The following SIAE variants were observed in gnomAD, a reference collection of about 807,000 sequenced individuals.
The protein encoded by SIAE is sialic acid acetylesterase, also known as sialate O-acetylesterase.
In SIAE, 39 loss-of-function variants were observed where a neutral mutation model predicts 52.6. That is an observed-to-expected ratio of 0.74 (90% CI 0.57 to 0.97). SIAE has a LOEUF of 0.97. Ranked by LOEUF, SIAE falls within the 50% of genes least tolerant of loss-of-function variation. The pLI, the probability that SIAE is intolerant of heterozygous loss-of-function variation, is 0.00. For missense variants in SIAE, 592 were observed against 662.1 expected (o/e 0.89, Z 1.16); for synonymous variants, 233 against 241.4 (o/e 0.97, Z 0.32).
chr11:124,651,271 G>A (rs981669773), intron 4 of SIAE, among the ~76,000 whole-genome samples: 4 of 152,126 alleles, frequency 2.6e-5, no homozygotes, highest in Non-Finnish European at 4.4e-5. Context: ...AGTAGGGCTG[G>A]GCATGGTGGC....
chr11:124,645,024 A>T lies in SIAE; in HGVS notation c.966+2341T>A, dbSNP rs1164556563. Reference sequence around the variant, plus strand: ...TATGTTCCCGGCTTTCCATGGATGAACTCATTCAATATTTAAAATAACAAA... The same window carrying T: ...TATGTTCCCGGCTTTCCATGGATGATCTCATTCAATATTTAAAATAACAAA... On this transcript the variant is annotated intron_variant, in intron 7 of 9. Coordinates refer to ENST00000263593, the MANE Select transcript of SIAE (RefSeq NM_170601.5). This position sits in a 1 kb window ranked among gnomAD's most constrained non-coding sequence, Gnocchi z 4.7. Among the ~76,000 whole-genome samples, 1 of 152,006 alleles carries T rather than the reference A, an allele frequency of 6.6e-6. No homozygotes were observed. Among genetic ancestry groups the T allele is most frequent in the Non-Finnish European group, 1.5e-5 (1 of 68,008 alleles).
intron 1 of SIAE, among the ~76,000 whole-genome samples, chr11:124,673,434 T>TG (rs1413758512): frequency 4.0e-5 from 6 of 151,764 alleles, no homozygotes; most frequent in Non-Finnish European, 8.8e-5. Flanking sequence ...GGATGGTAAG[T>TG]GGGGGGTGGA....
intron 4 of SIAE, among the ~76,000 whole-genome samples, chr11:124,650,914 G>A (rs916141123): frequency 1.3e-5 from 2 of 152,230 alleles, no homozygotes; most frequent in Non-Finnish European, 2.9e-5. Context: ...TAAATTCTCA[G>A]CACAGTCTAA....
At chr11:124,671,324 A>G (rs886308265) in intron 1 of SIAE, among the ~76,000 whole-genome samples, 4 of 152,228 alleles carry the variant, frequency 2.6e-5, no homozygotes, top group African/African-American at 9.6e-5. Context: ...ACAAATATTT[A>G]TTGATGCCTA....
At position 124,647,381 on chromosome 11, in the gene SIAE, G is replaced by T. The variant is rs952884180; in HGVS notation, c.950C>A (p.Pro317Gln). ...GSQGQTERFF[P>Q]FGLVQLSSDL... ...ACATCGTACCTGGACAAGTCCAAAT[G>T]GGAAGAAACGCTCCGTCTGCCCCTG... Residue 317 changes from proline to glutamine, a missense_variant, in exon 7 of 10, where the codon CCA becomes CAA. Coordinates refer to ENST00000263593, the MANE Select transcript of SIAE (RefSeq NM_170601.5). The T allele has an allele frequency of 6.2e-7, 1 of 1,614,214 alleles. No individual in the cohort carries two copies. Among genetic ancestry groups the T allele is most frequent in the African/African-American group, 1.3e-5 (1 of 75,038 alleles).
At chr11:124,642,656 G>A (rs993961549) in intron 7 of SIAE, among the ~76,000 whole-genome samples, 6 of 152,174 alleles carry the variant, frequency 3.9e-5, no homozygotes, top group Non-Finnish European at 8.8e-5. Flanking sequence ...GTGGTAGGGG[G>A]AACTCGTAAT....
chr11:124,670,013 T>G lies in SIAE; in HGVS notation c.68-492A>C, dbSNP rs1482631453. Among the ~76,000 whole-genome samples, 1 of 152,212 alleles carries G rather than the reference T, an allele frequency of 6.6e-6. No homozygotes were observed. The highest frequency in any genetic ancestry group is 1.5e-5 in the Non-Finnish European group (1 of 68,024). On this transcript the variant is annotated intron_variant, in intron 1 of 9. Coordinates refer to ENST00000263593, the MANE Select transcript of SIAE (RefSeq NM_170601.5). The surrounding 1 kb of genome is among the most constrained non-coding windows in gnomAD (Gnocchi z 4.5). ...ACAGCCTTCCCTAATCTTTTTCCCC[T>G]TCTCTATCTCCCCTTTTCTATGCCA...
intron 8 of SIAE, among the ~76,000 whole-genome samples, chr11:124,639,272 T>A (rs924154361): frequency 6.6e-6 from 1 of 152,230 alleles, no homozygotes; most frequent in African/African-American, 2.4e-5. Flanking sequence ...GTATTCCTCC[T>A]GTGAGGCCAG....
rs1232624571 is a variant in SIAE at position 124,649,634 on chromosome 11, C to T, written c.707G>A (p.Gly236Glu). 9 of 1,614,082 alleles carry T rather than the reference C, an allele frequency of 5.6e-6. No homozygotes were observed. The South Asian group carries it at 9.9e-5, about 18-fold the overall frequency. Reference protein sequence around the residue: ...WSSGRSLKACGVPKQGSIPYD... With the variant: ...WSSGRSLKACEVPKQGSIPYD... ...GCTGTCTTACCCTTGTTTAGGGACCCCACAGGCTTTCAGTGACCGTCCAGA... is the reference window on the plus strand; with the variant it reads ...GCTGTCTTACCCTTGTTTAGGGACCTCACAGGCTTTCAGTGACCGTCCAGA... Residue 236 changes from glycine (G) to glutamate (E), a missense_variant, in exon 5 of 10, where the codon GGG becomes GAG. By Grantham distance (98) the Gly-to-Glu change is moderately conservative (BLOSUM62 -2). Transcript: ENST00000263593.
At chr11:124,666,270 A>C (rs1229787526) in intron 2 of SIAE, among the ~76,000 whole-genome samples, 2 of 152,184 alleles carry the variant, frequency 1.3e-5, no homozygotes, top group Non-Finnish European at 2.9e-5. Flanking sequence ...CAAAGCAGCA[A>C]ATTGAGGTAA....
rs1393374855 is a variant in SIAE at position 124,633,215 on chromosome 11, G to A, written c.*3736C>T. 1 of 152,116 alleles carries A rather than the reference G, an allele frequency of 6.6e-6. No homozygotes were observed. Among genetic ancestry groups the A allele is most frequent in the Non-Finnish European group, 1.5e-5 (1 of 68,032 alleles). The allele number at this position is 152,116 out of a possible 1,614,324, so 9.4% of individuals were successfully genotyped here. A position where few individuals can be genotyped will look rare whatever the true frequency, so the allele number is the denominator to read the frequency against. ...GATAACACAAATTCACATATAATTG[G>A]GGGTTAGTCCCATACTCTATAACAG... On this transcript the variant is annotated 3_prime_UTR_variant, in exon 10 of 10. Coordinates refer to ENST00000263593, the MANE Select transcript of SIAE (RefSeq NM_170601.5).
chr11:124,657,270 TAAGA>T (rs1451936343), intron 3 of SIAE, among the ~76,000 whole-genome samples: 2 of 152,126 alleles, frequency 1.3e-5, no homozygotes, highest in South Asian at 2.1e-4. Flanking sequence ...CACGAAGGAG[TAAGA>T]ACAGGCTAAT....
Position 124,641,156 on chromosome 11 carries a change from TATAAA to T in SIAE, c.967-1294_967-1290del, listed in dbSNP as rs1193555077. Among the ~76,000 whole-genome samples, 11 of 152,360 alleles carry T rather than the reference TATAAA, an allele frequency of 7.2e-5. No homozygotes were observed. The East Asian group carries it at 2.1e-3, about 29-fold the overall frequency. On this transcript the variant is annotated intron_variant, in intron 7 of 9. Transcript: ENST00000263593. ...TGAATGGGTTTATGTTTCATAAACATATAAAATAGTATGGATTAAATGTTAAATGA... is the reference window on the plus strand; with the variant it reads ...TGAATGGGTTTATGTTTCATAAACATATAGTATGGATTAAATGTTAAATGA...
intron 5 of SIAE, among the ~76,000 whole-genome samples, chr11:124,649,264 C>G (rs1209889134): frequency 6.6e-6 from 1 of 151,330 alleles, no homozygotes; most frequent in Non-Finnish European, 1.5e-5. Context: ...TGTCTTCACC[C>G]ATGGTCTTTA....
chr11:124,647,508 G>C lies in SIAE; in HGVS notation c.833-10C>G. The C allele has an allele frequency of 6.2e-7, 1 of 1,613,992 alleles. No homozygotes were observed. ...TTTATATTGGACTCCCCTAAAAACA[G>C]TCCAAATTGTAAAGGGAGTTTGGAG... On this transcript the variant is annotated splice_polypyrimidine_tract_variant and intron_variant, in intron 6 of 9. Transcript: ENST00000263593.
In SIAE at chr11:124,636,393, G is replaced by A. The variant is rs1472306860; in HGVS notation, c.*558C>T. The A allele has an allele frequency of 6.4e-6, 1 of 157,026 alleles. No individual in the cohort carries two copies. Among genetic ancestry groups the A allele is most frequent in the Non-Finnish European group, 1.4e-5 (1 of 70,626 alleles). 9.7% of individuals were successfully genotyped at this position (157,026 alleles called of 1,614,324 possible). The stretch of plus-strand genomic sequence containing the variant: ...TTCGGTTCCACATAAGGAAAAACTT[G>A]GAAAGTTTTGAATGGAAAGTTCATA... On this transcript the variant is annotated 3_prime_UTR_variant, in exon 10 of 10. Transcript: ENST00000263593.
Position 124,673,678 on chromosome 11 carries a change from C to T in SIAE, c.31G>A (p.Val11Met). Residue 11 changes from valine (V) to methionine (M), a missense_variant, in exon 1 of 10, where the codon GTG (valine) becomes ATG (methionine). By Grantham distance (21) the Val-to-Met change is conservative. Coordinates refer to ENST00000263593, the MANE Select transcript of SIAE (RefSeq NM_170601.5). Reference protein sequence around the residue: MVAPGLVLGLVLPLILWADRS... With the variant: MVAPGLVLGLMLPLILWADRS... ...TCGGCCCACAGGATTAATGGCAGCACCAGCCCGAGTACAAGCCCCGGCGCG... is the reference window on the plus strand; with the variant it reads ...TCGGCCCACAGGATTAATGGCAGCATCAGCCCGAGTACAAGCCCCGGCGCG... 6.2e-7 allele frequency: 1 copy of T among 1,613,678 alleles called. No individual in the cohort carries two copies. The highest frequency in any genetic ancestry group is 8.5e-7 in the Non-Finnish European group (1 of 1,179,822).
At chr11:124,642,985 C>T (rs1942873052) in intron 7 of SIAE, among the ~76,000 whole-genome samples, 1 of 152,176 alleles carries the variant, frequency 6.6e-6, no homozygotes, top group Non-Finnish European at 1.5e-5. Context: ...TCAGATGAGA[C>T]TCCAGCTCTG....
chr11:124,645,363 G>A lies in SIAE; in HGVS notation c.966+2002C>T, dbSNP rs1226930086. ...GAGTTTCGCTCTTATTGCCCAGGCT[G>A]AGTGCAATGCTCACCACAATCTACG... is the stretch of plus-strand genomic sequence containing the variant. On this transcript the variant is annotated intron_variant, in intron 7 of 9. Coordinates refer to ENST00000263593, the MANE Select transcript of SIAE (RefSeq NM_170601.5). The surrounding 1 kb of genome is among the most constrained non-coding windows in gnomAD (Gnocchi z 4.7). 2.0e-5 allele frequency among the ~76,000 whole-genome samples: 3 copies of A among 150,750 alleles called. No individual in the cohort carries two copies. Among genetic ancestry groups the A allele is most frequent in the Admixed American group, 6.6e-5 (1 of 15,094 alleles).
Sources: allele counts gnomAD v4.1 joint callset (sites outside exome capture counted in the v4.1 genomes callset), GRCh38; gene constraint gnomAD v4.1.1; non-coding constraint Gnocchi (gnomAD v3.1); transcripts MANE v1.5; gene names NCBI Gene and HGNC (gene_info 2026-07-23, HGNC 2026-07-21).